The following ACACA variants were observed in gnomAD, a reference collection of about 807,000 sequenced individuals.
The protein encoded by ACACA is acetyl-CoA carboxylase 1.
ACACA carries 103 observed loss-of-function variants against 296.1 expected under a neutral mutation model. The ratio of observed to expected loss-of-function variants is 0.35; its 90% CI spans 0.30 to 0.41. ACACA has a LOEUF of 0.41. Ranked by LOEUF, ACACA falls within the 10% of genes least tolerant of loss-of-function variation. The pLI, the probability that ACACA is intolerant of heterozygous loss-of-function variation, is 1.00. For missense variants in ACACA, 1,554 were observed against 2,989.7 expected (o/e 0.52, Z 11.20); for synonymous variants, 953 against 1,038.6 (o/e 0.92, Z 1.58).
intron 42 of ACACA, among the ~76,000 whole-genome samples, chr17:37,161,216 G>C (rs1245116119): frequency 6.6e-6 from 1 of 152,202 alleles, no homozygotes; most frequent in East Asian, 1.9e-4. Flanking sequence ...GATGACATGA[G>C]ATTCAAAGAT....
intron 3 of ACACA, among the ~76,000 whole-genome samples, chr17:37,306,281 T>C (rs2083882675): frequency 6.6e-6 from 1 of 152,158 alleles, no homozygotes; most frequent in African/African-American, 2.4e-5. Context: ...GTTAAAATGG[T>C]TAATTTTGTC....
At chr17:37,253,390 C>T (rs2081083138) in intron 14 of ACACA, among the ~76,000 whole-genome samples, 1 of 151,448 alleles carries the variant, frequency 6.6e-6, no homozygotes, top group Non-Finnish European at 1.5e-5. Flanking sequence ...AGACTCTGTC[C>T]CCCCAAAAAA....
chr17:37,155,489 A>C (rs1260040304), intron 43 of ACACA, among the ~76,000 whole-genome samples, 194 bp downstream of exon 43: 1 of 152,164 alleles, frequency 6.6e-6, no homozygotes, highest in Non-Finnish European at 1.5e-5. Context: ...AAGTATTATA[A>C]ATTTAAAAAC....
chr17:37,155,611 C>A, intron 43 of ACACA, 72 bp downstream of exon 43: 1 of 1,032,028 alleles, frequency 9.7e-7, no homozygotes. Context: ...AACAGCTGTA[C>A]AATATGGAAA....
At chr17:37,289,668 AC>A in intron 3 of ACACA, 7 of 479,324 alleles carry the variant, frequency 1.5e-5, no homozygotes, top group South Asian at 1.1e-4. Context: ...CTACTCTATT[AC>A]AGCTTGGCTT....
At chr17:37,266,923 A>G (rs984576925) in intron 10 of ACACA, among the ~76,000 whole-genome samples, 3 of 152,326 alleles carry the variant, frequency 2.0e-5, no homozygotes, top group African/African-American at 7.2e-5. Flanking sequence ...AGTAACAATT[A>G]CTACACTGCT....
At chr17:37,389,231 AT>A in intron 1 of ACACA, 1 of 1,566,358 alleles carries the variant, frequency 6.4e-7, no homozygotes. Flanking sequence ...AATACCAGTC[AT>A]TTTCTCCCTT....
chr17:37,169,862 A>G (rs1436209936), intron 41 of ACACA, among the ~76,000 whole-genome samples: 1 of 152,180 alleles, frequency 6.6e-6, no homozygotes, highest in Non-Finnish European at 1.5e-5. Context: ...AGCTGAAGGA[A>G]GATGGAAGAG....
intron 1 of ACACA, among the ~76,000 whole-genome samples, chr17:37,401,703 C>T (rs952223084): frequency 5.3e-5 from 8 of 152,102 alleles, no homozygotes; most frequent in Admixed American, 2.6e-4. Context: ...GGACCACAGG[C>T]GTGTGCTATC....
chr17:37,306,372 T>C (rs1345742356), intron 3 of ACACA, among the ~76,000 whole-genome samples: 1 of 152,190 alleles, frequency 6.6e-6, no homozygotes, highest in Non-Finnish European at 1.5e-5. Flanking sequence ...AAGTCCTCCC[T>C]GTTTTATTTA....
intron 1 of ACACA, among the ~76,000 whole-genome samples, chr17:37,349,917 G>A (rs2048818646): frequency 6.6e-6 from 1 of 151,902 alleles, no homozygotes; most frequent in East Asian, 1.9e-4. Flanking sequence ...GAAATCTGAT[G>A]GATACCATCT....
chr17:37,159,128 T>C (rs984732593), intron 42 of ACACA, among the ~76,000 whole-genome samples: 13 of 151,898 alleles, frequency 8.6e-5, no homozygotes, highest in African/African-American at 3.1e-4. Flanking sequence ...CAGTAGGCTA[T>C]GAATGTGCCA....
chr17:37,089,205 C>G, intron 54 of ACACA, 131 bp from the exon 55 acceptor site: 1 of 1,354,492 alleles, frequency 7.4e-7, no homozygotes, highest in East Asian at 2.3e-5. Flanking sequence ...TCACTGTCAG[C>G]ATCGTGCAGG....
chr17:37,342,779 T>C (rs1463655370), intron 1 of ACACA, among the ~76,000 whole-genome samples: 10 of 148,768 alleles, frequency 6.7e-5, no homozygotes, highest in Non-Finnish European at 1.5e-4. Context: ...ACCCCATCTC[T>C]ACCAAAAAAA....
At chr17:37,171,408 A>G (rs899518126) in intron 41 of ACACA, among the ~76,000 whole-genome samples, 1 of 152,166 alleles carries the variant, frequency 6.6e-6, no homozygotes, top group South Asian at 2.1e-4. Context: ...CCCCTTTTGT[A>G]TCTTGTATCC....
chr17:37,229,398 G>A (rs908462271), intron 25 of ACACA, among the ~76,000 whole-genome samples: 7 of 151,750 alleles, frequency 4.6e-5, no homozygotes, highest in Admixed American at 2.6e-4. Context: ...CCGCCTCCGG[G>A]GTTCACGCCA....
Position 37,354,636 on chromosome 17 carries a change from A to C in ACACA, c.39-14786T>G, listed in dbSNP as rs537270004. Among the ~76,000 whole-genome samples the C allele has an allele frequency of 5.4e-4, 82 of 152,326 alleles. No homozygotes were observed. In the South Asian group the frequency reaches 0.016, roughly 30 times the overall value. On this transcript the variant is annotated intron_variant, in intron 1 of 55. Coordinates refer to ENST00000616317, the MANE Select transcript of ACACA (RefSeq NM_198834.3). ...ACTCATTACAGTTTTTTAAAATTAA[A>C]GAAACAGGCTGAGTGCAATGGCTCA...
chr17:37,236,513 C>A (rs1214800119), intron 24 of ACACA, among the ~76,000 whole-genome samples: 3 of 151,258 alleles, frequency 2.0e-5, no homozygotes, highest in African/African-American at 7.3e-5. Flanking sequence ...TCCTGCATAC[C>A]AAGACACTCT....
At chr17:37,337,965 C>A (rs752582650) in intron 2 of ACACA, among the ~76,000 whole-genome samples, 1 of 151,772 alleles carries the variant, frequency 6.6e-6, no homozygotes, top group Non-Finnish European at 1.5e-5. Context: ...GGCGTAGTGG[C>A]GGGCACCTGT....
Sources: allele counts gnomAD v4.1 joint callset (sites outside exome capture counted in the v4.1 genomes callset), GRCh38; gene constraint gnomAD v4.1.1; transcripts MANE v1.5; gene names NCBI Gene and HGNC (gene_info 2026-07-23, HGNC 2026-07-21).